The following UBE2L3 variants were observed in gnomAD, a reference collection of about 807,000 sequenced individuals.
UBE2L3 encodes ubiquitin-conjugating enzyme E2 L3.
Under a neutral mutation model 17.8 loss-of-function variants are expected in UBE2L3, and 1 was observed. The observed-to-expected ratio is 0.06, with a 90% confidence interval of 0.02 to 0.27. UBE2L3 has a LOEUF of 0.27. UBE2L3 is among the 10% of genes least tolerant of loss of function. The probability of loss-of-function intolerance (pLI) is 1.00; values close to 1 mark genes in which losing one functional copy is unlikely to be tolerated. For synonymous variants in UBE2L3, 44 were observed against 68.5 expected, an observed-to-expected ratio of 0.64 and a Z score of 1.76; for missense variants, 40 against 192.6, an observed-to-expected ratio of 0.21 and a Z score of 4.69.
intron 1 of UBE2L3, among the ~76,000 whole-genome samples, chr22:21,561,151 C>T (rs1167248937): frequency 6.6e-6 from 1 of 152,286 alleles, no homozygotes; most frequent in African/African-American, 2.4e-5. Flanking sequence ...AGCCTCTGAC[C>T]AGCCAGATGA....
Position 21,583,910 on chromosome 22 carries a change from C to T in UBE2L3, c.28-8951C>T, listed in dbSNP as rs373407738. 5.2e-4 allele frequency among the ~76,000 whole-genome samples: 79 copies of T among 152,062 alleles called. 1 individual carries two copies. The highest frequency in any genetic ancestry group is 1.8e-3 in the African/African-American group (73 of 41,460). On this transcript the variant is annotated intron_variant, in intron 1 of 3. Coordinates refer to ENST00000342192, the MANE Select transcript of UBE2L3 (RefSeq NM_003347.4). Reference sequence around the variant, plus strand: ...TTTTCTTCTGAGGTGGAGTTTCACTCGTTGCCCAGGCCGGAGTTCAATGGA... The same window carrying T: ...TTTTCTTCTGAGGTGGAGTTTCACTTGTTGCCCAGGCCGGAGTTCAATGGA...
chr22:21,557,200 A>G (rs551235008), intron 1 of UBE2L3, among the ~76,000 whole-genome samples: 13 of 152,368 alleles, frequency 8.5e-5, no homozygotes, highest in Non-Finnish European at 1.6e-4. Context: ...CTGCATCTCT[A>G]TAAAAAAATT....
chr22:21,556,627 G>A (rs78526374), intron 1 of UBE2L3, among the ~76,000 whole-genome samples: 1 of 121,838 alleles, frequency 8.2e-6, no homozygotes, highest in Non-Finnish European at 1.7e-5. Context: ...TTTTTTTTTT[G>A]TATTTTTTTT....
intron 1 of UBE2L3, among the ~76,000 whole-genome samples, chr22:21,575,402 C>T (rs1255041506): frequency 2.1e-5 from 3 of 143,272 alleles, no homozygotes; most frequent in Non-Finnish European, 4.5e-5. Context: ...TGACGAAACC[C>T]CATCTCTACT....
At chr22:21,568,516 G>T (rs1181316850) in intron 1 of UBE2L3, 7 of 839,908 alleles carry the variant, frequency 8.3e-6, no homozygotes, top group Non-Finnish European at 1.0e-5. Context: ...GATTTCAGTC[G>T]TTCGAATCAA....
At chr22:21,552,544 GT>G (rs1232385777) in intron 1 of UBE2L3, among the ~76,000 whole-genome samples, 82 of 57,814 alleles carry the variant, frequency 1.4e-3, no homozygotes, top group African/African-American at 6.1e-3. Context: ...TTGGTCTGTC[GT>G]GTCTCCCTGT....
intron 1 of UBE2L3, among the ~76,000 whole-genome samples, chr22:21,577,460 T>A (rs1482433010): frequency 2.0e-5 from 3 of 152,208 alleles, no homozygotes; most frequent in African/African-American, 7.2e-5. Flanking sequence ...TTCTGGTGGC[T>A]GTGTAGTTTC....
chr22:21,598,957 A>G (rs1057438214), intron 2 of UBE2L3, among the ~76,000 whole-genome samples: 7 of 152,040 alleles, frequency 4.6e-5, no homozygotes, highest in Admixed American at 3.9e-4. Context: ...CTTTTGCCTC[A>G]GCCTCCCTGG....
intron 3 of UBE2L3, among the ~76,000 whole-genome samples, chr22:21,616,214 A>G (rs1454785457): frequency 6.6e-6 from 1 of 152,222 alleles, no homozygotes; most frequent in Non-Finnish European, 1.5e-5. Flanking sequence ...ATAGAACATA[A>G]GCACTACAGA....
intron 2 of UBE2L3, among the ~76,000 whole-genome samples, chr22:21,594,501 T>A (rs1928422890): frequency 6.6e-6 from 1 of 152,230 alleles, no homozygotes; most frequent in Non-Finnish European, 1.5e-5. Flanking sequence ...TGATGCTGGT[T>A]ATAAGGTCAT....
intron 1 of UBE2L3, chr22:21,568,048 C>A: frequency 1.6e-6 from 2 of 1,280,976 alleles, no homozygotes; most frequent in Non-Finnish European, 2.0e-6. Context: ...GGCCGCGTCC[C>A]CCTGTCGCGG....
chr22:21,603,849 A>T (rs1257324461), intron 2 of UBE2L3, among the ~76,000 whole-genome samples: 1 of 150,524 alleles, frequency 6.6e-6, no homozygotes, highest in Admixed American at 6.6e-5. Flanking sequence ...AAAAAAAAAG[A>T]CAAGTGGATA....
intron 1 of UBE2L3, among the ~76,000 whole-genome samples, chr22:21,560,102 C>T (rs896218731): frequency 6.6e-6 from 1 of 152,214 alleles, no homozygotes; most frequent in Admixed American, 6.5e-5. Context: ...GTGGTCAGCC[C>T]CTTCCCATCT....
intron 1 of UBE2L3, chr22:21,568,045 T>G: frequency 7.8e-7 from 1 of 1,275,062 alleles, no homozygotes; most frequent in Non-Finnish European, 9.9e-7. Context: ...CTTGGCCGCG[T>G]CCCCCTGTCG....
chr22:21,583,560 G>A (rs1219692895), intron 1 of UBE2L3, among the ~76,000 whole-genome samples: 1 of 152,126 alleles, frequency 6.6e-6, no homozygotes, highest in East Asian at 1.9e-4. Flanking sequence ...TCTTCTGCAC[G>A]TCTGTTCACC....
chr22:21,584,790 A>C (rs898703791), intron 1 of UBE2L3, among the ~76,000 whole-genome samples: 9 of 151,668 alleles, frequency 5.9e-5, no homozygotes, highest in African/African-American at 2.2e-4. Flanking sequence ...GCAAAACCCC[A>C]TCTCTACTAA....
intron 3 of UBE2L3, among the ~76,000 whole-genome samples, chr22:21,612,479 C>T (rs1189264250): frequency 6.6e-6 from 1 of 151,756 alleles, no homozygotes; most frequent in African/African-American, 2.4e-5. Context: ...GCACCCGCCA[C>T]CACGCCCGGC....
At chr22:21,556,591 G>C (rs1310280070) in intron 1 of UBE2L3, among the ~76,000 whole-genome samples, 2 of 151,992 alleles carry the variant, frequency 1.3e-5, no homozygotes, top group Non-Finnish European at 2.9e-5. Context: ...CACCATGCCC[G>C]GCTAATTTTT....
At chr22:21,609,588 G>C (rs1929366700) in intron 2 of UBE2L3, among the ~76,000 whole-genome samples, 1 of 152,064 alleles carries the variant, frequency 6.6e-6, no homozygotes, top group African/African-American at 2.4e-5. Context: ...CCTATCTGTA[G>C]TCTCAGCTAC....
Sources: gnomAD v4.1 joint callset for allele counts (sites outside exome capture counted in the v4.1 genomes callset) on GRCh38, gnomAD v4.1.1 for gene constraint, MANE v1.5 for transcripts, NCBI Gene and HGNC (gene_info 2026-07-23, HGNC 2026-07-21) for gene names.